Variants in OR51B5 observed in about 807,000 individuals in gnomAD.
OR51B5 encodes the protein olfactory receptor 51B5.
For synonymous variants in OR51B5, 186 were observed against 144.8 expected (o/e 1.28, Z -2.04); for missense variants, 456 against 374.6 (o/e 1.22, Z -1.79).
upstream of OR51B5, among the ~76,000 whole-genome samples, chr11:5,345,320 A>T (rs1350242624): frequency 6.6e-6 from 1 of 152,188 alleles, no homozygotes; most frequent in East Asian, 1.9e-4. Flanking sequence ...AAAAATCCAT[A>T]TGAAGAGTCA....
chr11:5,342,193 A>G (rs1213423300), downstream of OR51B5, among the ~76,000 whole-genome samples: 23 of 152,232 alleles, frequency 1.5e-4, 1 homozygote, highest in Admixed American at 1.5e-3. Context: ...GATTTGACAT[A>G]GTAAACCAAA....
At chr11:5,425,326 A>G (rs1850431712) in intron 1 of OR51B5, among the ~76,000 whole-genome samples, 2 of 152,226 alleles carry the variant, frequency 1.3e-5, no homozygotes, top group Admixed American at 1.3e-4. Context: ...AAAGAGGAGC[A>G]CAGGCTACCA....
At chr11:5,370,962 A>G (rs771901523) in intron 1 of OR51B5, among the ~76,000 whole-genome samples, 2 of 152,216 alleles carry the variant, frequency 1.3e-5, no homozygotes, top group Non-Finnish European at 2.9e-5. Flanking sequence ...GAGCAGACAG[A>G]AGGAAGAGAA....
At chr11:5,469,022 T>C (rs924585607) in intron 1 of OR51B5, 16 of 312,178 alleles carry the variant, frequency 5.1e-5, no homozygotes, top group Non-Finnish European at 1.0e-4. Flanking sequence ...CACTGTGGCA[T>C]AGCGCAGCGG....
At chr11:5,420,449 A>G (rs1359819302) in intron 1 of OR51B5, among the ~76,000 whole-genome samples, 1 of 151,970 alleles carries the variant, frequency 6.6e-6, no homozygotes, top group Non-Finnish European at 1.5e-5. Context: ...TTTGTCATAT[A>G]GTTTTTCTTA....
At chr11:5,416,661 T>G (rs1472323557) in intron 1 of OR51B5, among the ~76,000 whole-genome samples, 3 of 144,994 alleles carry the variant, frequency 2.1e-5, no homozygotes, top group Non-Finnish European at 3.0e-5. Context: ...AAATCATGAG[T>G]GAACTCCCAT....
At chr11:5,384,859 G>T (rs149940368) in intron 1 of OR51B5, among the ~76,000 whole-genome samples, 1 of 152,122 alleles carries the variant, frequency 6.6e-6, no homozygotes, top group South Asian at 2.1e-4. Context: ...CTAAAAACAG[G>T]CATGTTTACA....
intron 1 of OR51B5, among the ~76,000 whole-genome samples, chr11:5,475,894 A>G (rs1851298188): frequency 6.8e-6 from 1 of 146,706 alleles, no homozygotes; most frequent in East Asian, 2.1e-4. Context: ...CACCTATTCA[A>G]CCTATGTTTC....
At chr11:5,430,555 T>TATTC (rs779344176) in intron 1 of OR51B5, 22 of 368,446 alleles carry the variant, frequency 6.0e-5, no homozygotes, top group Non-Finnish European at 1.1e-4. Context: ...TCCTTGTTCC[T>TATTC]ATTCCTCCTC....
chr11:5,357,876 T>C (rs1405570784), intron 1 of OR51B5, among the ~76,000 whole-genome samples: 1 of 151,912 alleles, frequency 6.6e-6, no homozygotes, highest in Non-Finnish European at 1.5e-5. Flanking sequence ...CCGAACAAAT[T>C]GCTCCTGAAT....
Position 5,377,262 on chromosome 11 carries a change from C to G in OR51B5, n.85-30352G>C, listed in dbSNP as rs1040991576. Among the ~76,000 whole-genome samples the G allele has an allele frequency of 4.0e-5, 6 of 151,692 alleles. No individual in the cohort carries two copies. In the South Asian group the frequency reaches 8.4e-4, roughly 21 times the overall value. ...AAGGCCTTTGACAAAATTCAACAAC[C>G]CTTCATGCTAAAAACTTTCAATAAA... On this transcript the variant is annotated intron_variant and non_coding_transcript_variant, in intron 1 of 4. Transcript: ENST00000415970.
intron 1 of OR51B5, among the ~76,000 whole-genome samples, chr11:5,442,788 G>T (rs1342745146): frequency 1.3e-5 from 2 of 152,084 alleles, no homozygotes; most frequent in Non-Finnish European, 2.9e-5. Context: ...CCTCTGAGTT[G>T]AAACAAATTT....
intron 1 of OR51B5, chr11:5,392,735 A>T (rs543490303): frequency 6.6e-6 from 1 of 152,240 alleles, no homozygotes; most frequent in Non-Finnish European, 1.5e-5. Flanking sequence ...ACACGGTGGA[A>T]CCCAGTCTCT....
intron 1 of OR51B5, among the ~76,000 whole-genome samples, chr11:5,407,624 C>T (rs117515558): frequency 1.3e-5 from 2 of 151,668 alleles, no homozygotes; most frequent in East Asian, 3.9e-4. Flanking sequence ...TTCAATTTAT[C>T]TGCTTTACAT....
At chr11:5,396,673 T>C (rs1487205642) in intron 1 of OR51B5, among the ~76,000 whole-genome samples, 2 of 151,918 alleles carry the variant, frequency 1.3e-5, no homozygotes, top group African/African-American at 2.4e-5. Context: ...AAGCTACCAA[T>C]GACTTTCTTC....
intron 1 of OR51B5, chr11:5,423,225 G>T: frequency 7.0e-7 from 1 of 1,434,042 alleles, no homozygotes; most frequent in Non-Finnish European, 9.2e-7. Context: ...TCAGAATTAG[G>T]AAACTATAAA....
At chr11:5,364,318 T>C (rs1017761740) in intron 1 of OR51B5, among the ~76,000 whole-genome samples, 3 of 152,128 alleles carry the variant, frequency 2.0e-5, no homozygotes, top group Non-Finnish European at 2.9e-5. Flanking sequence ...CACAAAACCA[T>C]TGGAATTTGG....
At chr11:5,462,022 C>A (rs946187906) in intron 1 of OR51B5, among the ~76,000 whole-genome samples, 1 of 152,186 alleles carries the variant, frequency 6.6e-6, no homozygotes, top group African/African-American at 2.4e-5. Context: ...AAAATTTGTA[C>A]TTCTATTTTT....
At chr11:5,393,900 A>G (rs1003809784) in intron 1 of OR51B5, among the ~76,000 whole-genome samples, 1 of 152,186 alleles carries the variant, frequency 6.6e-6, no homozygotes, top group Non-Finnish European at 1.5e-5. Context: ...CTCTCCAAAC[A>G]GGACCACTCG....
Sources: gnomAD v4.1 joint callset for allele counts (sites outside exome capture counted in the v4.1 genomes callset) on GRCh38, gnomAD v4.1.1 for gene constraint, MANE v1.5 for transcripts, NCBI Gene and HGNC (gene_info 2026-07-23, HGNC 2026-07-21) for gene names.